Variants in SOX6 observed in about 807,000 individuals in gnomAD.
SOX6 encodes the protein transcription factor SOX-6.
Under a neutral mutation model 97.8 loss-of-function variants are expected in SOX6, and 11 were observed. The ratio of observed to expected loss-of-function variants is 0.11; its 90% confidence interval spans 0.07 to 0.19. The LOEUF (loss-of-function observed/expected upper bound fraction) is 0.19, where lower values mean the gene tolerates loss of function less well. Among genes scored for constraint, SOX6 ranks in the 10% least tolerant of loss-of-function variants. The pLI is 1.00. For synonymous variants in SOX6, 360 were observed against 371.4 expected, an observed-to-expected ratio of 0.97 and a Z score of 0.35; for missense variants, 810 against 1,039.5, an observed-to-expected ratio of 0.78 and a Z score of 3.04.
At chr11:16,082,329 C>T (rs932283636) in intron 9 of SOX6, among the ~76,000 whole-genome samples, 1 of 152,098 alleles carries the variant, frequency 6.6e-6, no homozygotes, top group Non-Finnish European at 1.5e-5. Context: ...GAGATCCTGA[C>T]CTCTGCCAAG....
In SOX6 at chr11:16,017,299, T is replaced by G. The variant is rs189388594; in HGVS notation, c.1624-2249A>C. Among the ~76,000 whole-genome samples, 336 of 152,206 alleles carry G rather than the reference T, an allele frequency of 2.2e-3. 2 individuals carry two copies. The highest frequency in any genetic ancestry group is 6.9e-3 in the African/African-American group (287 of 41,562). ...AAATCTTCTGCAGAGATACTTTCCC[T>G]TTAAAATATCAATATTTTGACAGAG... On this transcript the variant is annotated intron_variant, in intron 12 of 15. Transcript: ENST00000683767.
intron 4 of SOX6, among the ~76,000 whole-genome samples, chr11:16,496,342 G>T (rs1324161257): frequency 6.6e-6 from 1 of 150,382 alleles, no homozygotes; most frequent in Non-Finnish European, 1.5e-5. Context: ...AGAGGGTGGA[G>T]CCAACATGGC....
intron 10 of SOX6, among the ~76,000 whole-genome samples, chr11:16,053,636 A>T (rs1847739958): frequency 6.6e-6 from 1 of 152,204 alleles, no homozygotes; most frequent in Admixed American, 6.5e-5. Flanking sequence ...TGGTAGAACC[A>T]GTATTTTAAC....
chr11:15,995,505 T>C (rs557440332), intron 13 of SOX6, among the ~76,000 whole-genome samples: 186 of 151,942 alleles, frequency 1.2e-3, no homozygotes, highest in Non-Finnish European at 2.3e-3. Context: ...ATACAATATA[T>C]AATTAAAAAG....
At chr11:16,510,154 G>A (rs1168200377) in intron 4 of SOX6, among the ~76,000 whole-genome samples, 12 of 151,984 alleles carry the variant, frequency 7.9e-5, no homozygotes, top group Non-Finnish European at 1.2e-4. Flanking sequence ...TCAAAATTCA[G>A]AAGCTGTTAA....
Position 15,989,169 on chromosome 11 carries a change from T to C in SOX6, c.1794A>G (p.Gly598=). The change falls in exon 14 of 16, where the codon GGA becomes GGG. Residue 598 remains glycine (G), a synonymous_variant. Coordinates refer to ENST00000683767, the MANE Select transcript of SOX6 (RefSeq NM_001367873.1). ...KLQQYYCWPT[G]GATVAEARVY... Reference sequence around the variant, plus strand: ...CTCGTGCTTCAGCCACAGTGGCACCTCCTGTTGGCCAACAATAATACTGCT... The same window carrying C: ...CTCGTGCTTCAGCCACAGTGGCACCCCCTGTTGGCCAACAATAATACTGCT... The C allele has an allele frequency of 1.2e-6, 2 of 1,614,076 alleles. No homozygotes were observed. The highest frequency in any genetic ancestry group is 1.7e-6 in the Non-Finnish European group (2 of 1,179,942).
intron 1 of SOX6, among the ~76,000 whole-genome samples, chr11:16,439,675 T>C (rs553395049): frequency 1.2e-4 from 19 of 152,292 alleles, no homozygotes; most frequent in Admixed American, 9.8e-4. Flanking sequence ...TCCTCTTCCA[T>C]AAAATTTTAT....
intron 12 of SOX6, among the ~76,000 whole-genome samples, chr11:16,032,124 C>T (rs896247686): frequency 6.6e-6 from 1 of 152,162 alleles, no homozygotes; most frequent in Non-Finnish European, 1.5e-5. Flanking sequence ...GTCACAAGCA[C>T]ACAATCAATG....
intron 4 of SOX6, among the ~76,000 whole-genome samples, chr11:16,482,337 A>G (rs550202615): frequency 2.4e-4 from 37 of 152,314 alleles, no homozygotes; most frequent in Non-Finnish European, 4.7e-4. Flanking sequence ...GTAACATCAT[A>G]CATTAGTTCA....
At chr11:16,572,194 T>A (rs1847946402) in intron 4 of SOX6, among the ~76,000 whole-genome samples, 1 of 152,190 alleles carries the variant, frequency 6.6e-6, no homozygotes, top group Non-Finnish European at 1.5e-5. Context: ...AAAGGAAAAC[T>A]AAAATACTGA....
rs369733325 is a variant in SOX6 at position 16,318,427 on chromosome 11, C to T, written c.445+19G>A. On this transcript the variant is annotated intron_variant, in intron 3 of 15. Coordinates refer to ENST00000683767, the MANE Select transcript of SOX6 (RefSeq NM_001367873.1). ...TTAGAAGAAAAAAAACAGAGCCCAACAGTGAAGTCCACACATACCCTCTTG... is the reference window on the plus strand; with the variant it reads ...TTAGAAGAAAAAAAACAGAGCCCAATAGTGAAGTCCACACATACCCTCTTG... 1 of 1,607,392 alleles carries T rather than the reference C, an allele frequency of 6.2e-7. No homozygotes were observed. Among genetic ancestry groups the T allele is most frequent in the Non-Finnish European group, 8.5e-7 (1 of 1,175,908 alleles).
intron 4 of SOX6, among the ~76,000 whole-genome samples, chr11:16,568,522 A>C (rs1430680824): frequency 1.3e-5 from 2 of 152,220 alleles, no homozygotes; most frequent in Non-Finnish European, 2.9e-5. Context: ...TGATGGTTGC[A>C]TAACACTGTG....
intron 2 of SOX6, among the ~76,000 whole-genome samples, chr11:16,730,836 CAGAT>C (rs751973799): frequency 1.9e-4 from 29 of 151,980 alleles, no homozygotes; most frequent in South Asian, 6.2e-4. Context: ...ATCAACAAAA[CAGAT>C]AGACCACTAG....
At chr11:16,406,565 G>C (rs1858691401) in intron 1 of SOX6, among the ~76,000 whole-genome samples, 1 of 152,026 alleles carries the variant, frequency 6.6e-6, no homozygotes, top group African/African-American at 2.4e-5. Context: ...GAACAGAAAT[G>C]TACAAGTACT....
chr11:16,286,945 G>C (rs1235574603), intron 3 of SOX6, among the ~76,000 whole-genome samples: 1 of 151,700 alleles, frequency 6.6e-6, no homozygotes, highest in Non-Finnish European at 1.5e-5. Context: ...CTCTACTTTT[G>C]TGTAGGTTTG....
chr11:16,044,870 A>T (rs1178645269), intron 12 of SOX6, among the ~76,000 whole-genome samples: 1 of 152,146 alleles, frequency 6.6e-6, no homozygotes, highest in African/African-American at 2.4e-5. Context: ...GTTCCATTGA[A>T]ACAATTTTGC....
At chr11:16,326,312 C>A (rs928109409) in intron 2 of SOX6, among the ~76,000 whole-genome samples, 1 of 152,044 alleles carries the variant, frequency 6.6e-6, no homozygotes, top group African/African-American at 2.4e-5. Context: ...CTGATGCACT[C>A]GTCTCTAGAT....
chr11:16,716,909 T>C (rs948707151), intron 2 of SOX6, among the ~76,000 whole-genome samples: 2 of 152,030 alleles, frequency 1.3e-5, no homozygotes, highest in Non-Finnish European at 2.9e-5. Flanking sequence ...GTCATAGTAA[T>C]TGGGAAGGAA....
intron 9 of SOX6, among the ~76,000 whole-genome samples, chr11:16,062,447 A>G (rs1847983005): frequency 6.6e-6 from 1 of 151,706 alleles, no homozygotes; most frequent in Non-Finnish European, 1.5e-5. Flanking sequence ...TGATTATAAT[A>G]ATGAATATTC....
Sources: allele counts gnomAD v4.1 joint callset (sites outside exome capture counted in the v4.1 genomes callset), GRCh38; gene constraint gnomAD v4.1.1; transcripts MANE v1.5; gene names NCBI Gene and HGNC (gene_info 2026-07-23, HGNC 2026-07-21).